KCND3: variants seen among roughly 807,000 people sequenced by gnomAD.
KCND3 encodes potassium voltage-gated channel subfamily D member 3, also known as A-type voltage-gated potassium channel KCND3.
Under a neutral mutation model 51.1 loss-of-function variants are expected in KCND3, and 9 were observed. The observed-to-expected ratio is 0.18, with a 90% confidence interval of 0.11 to 0.31. The LOEUF (loss-of-function observed/expected upper bound fraction) is 0.31. Ranked by LOEUF, KCND3 falls within the 10% of genes least tolerant of loss-of-function variation. The pLI is 1.00. For synonymous variants in KCND3, 349 were observed against 368.0 expected, an observed-to-expected ratio of 0.95 and a Z score of 0.59; for missense variants, 526 against 903.8, an observed-to-expected ratio of 0.58 and a Z score of 5.36.
At chr1:111,812,258 A>G (rs1221172839) in intron 2 of KCND3, among the ~76,000 whole-genome samples, 2 of 152,118 alleles carry the variant, frequency 1.3e-5, no homozygotes, top group Non-Finnish European at 2.9e-5. Context: ...TGGTTTTCAC[A>G]CCCTCAGGGC....
At chr1:111,861,463 G>C (rs961483604) in intron 2 of KCND3, among the ~76,000 whole-genome samples, 25 of 152,182 alleles carry the variant, frequency 1.6e-4, no homozygotes, top group Non-Finnish European at 3.5e-4. Flanking sequence ...AGAATGGCAA[G>C]GTTTTTGAAA....
At chr1:111,929,504 C>T (rs1978970) in intron 2 of KCND3, among the ~76,000 whole-genome samples, 146,792 of 152,334 alleles carry the variant, frequency 0.96, 70,967 homozygotes, top group East Asian at 1. Flanking sequence ...ACAGAAAACC[C>T]GGAGATGCAC....
chr1:111,806,849 A>G (rs1665593611), intron 2 of KCND3, among the ~76,000 whole-genome samples: 1 of 152,170 alleles, frequency 6.6e-6, no homozygotes, highest in Admixed American at 6.5e-5. Flanking sequence ...ACCCAGCTCT[A>G]AGATAGGAAG....
At chr1:111,878,556 T>TGAA (rs2101731658) in intron 2 of KCND3, among the ~76,000 whole-genome samples, 1 of 151,846 alleles carries the variant, frequency 6.6e-6, no homozygotes, top group East Asian at 1.9e-4. Context: ...GGGTAAGGAG[T>TGAA]GAAGAGAGGC....
At chr1:111,971,070 G>A (rs1295488011) in intron 2 of KCND3, among the ~76,000 whole-genome samples, 1 of 152,132 alleles carries the variant, frequency 6.6e-6, no homozygotes, top group African/African-American at 2.4e-5. Context: ...CCAAGAGCTT[G>A]GCACTGCAAG....
intron 2 of KCND3, among the ~76,000 whole-genome samples, chr1:111,854,538 AG>A (rs983010903): frequency 9.9e-5 from 15 of 152,056 alleles, no homozygotes; most frequent in Admixed American, 9.8e-4. Context: ...TGTCCAGTGG[AG>A]GGGTCAGAGG....
chr1:111,865,605 T>G (rs186202064), intron 2 of KCND3, among the ~76,000 whole-genome samples: 9 of 152,372 alleles, frequency 5.9e-5, no homozygotes, highest in South Asian at 4.1e-4. Context: ...GGATCCTTCA[T>G]AGTAGAGATT....
rs181524091 is a variant in KCND3 at position 111,820,021 on chromosome 1, G to A, written c.1107-32915C>T. 2.3e-4 allele frequency among the ~76,000 whole-genome samples: 35 copies of A among 152,300 alleles called. 1 individual carries two copies. The East Asian group carries it at 5.6e-3, about 24-fold the overall frequency. On this transcript the variant is annotated intron_variant, in intron 2 of 7. Coordinates refer to ENST00000302127, the MANE Select transcript of KCND3 (RefSeq NM_001378969.1). ...AATATTCTGAAATGCAGGCTTAATT[G>A]CGTCACTCCTTCCAAAAAACATTCA... is the stretch of plus-strand genomic sequence containing the variant.
intron 2 of KCND3, among the ~76,000 whole-genome samples, chr1:111,810,321 G>A (rs1172767293): frequency 6.6e-6 from 1 of 152,232 alleles, no homozygotes; most frequent in Non-Finnish European, 1.5e-5. Context: ...CTACCTGGAA[G>A]AGGGCAGCTC....
chr1:111,802,410 C>T (rs1665353359), intron 2 of KCND3, among the ~76,000 whole-genome samples: 1 of 152,260 alleles, frequency 6.6e-6, no homozygotes, highest in Admixed American at 6.5e-5. Context: ...AAGACAATGT[C>T]ATGCAAAGAA....
At chr1:111,778,341 T>G in intron 6 of KCND3, 95 bp downstream of exon 6, 3 of 1,141,062 alleles carry the variant, frequency 2.6e-6, no homozygotes, top group Non-Finnish European at 4.0e-6. Flanking sequence ...CAGCAGCACA[T>G]GCACAGAACC....
chr1:111,782,334 A>T (rs1664423255), intron 3 of KCND3, among the ~76,000 whole-genome samples: 1 of 152,154 alleles, frequency 6.6e-6, no homozygotes, highest in South Asian at 2.1e-4. Context: ...AGGGGCCAGG[A>T]CTTGAGCCTG....
intron 2 of KCND3, among the ~76,000 whole-genome samples, chr1:111,908,413 C>A (rs1670754322): frequency 6.6e-6 from 1 of 152,212 alleles, no homozygotes; most frequent in Non-Finnish European, 1.5e-5. Context: ...CAGACTGAGG[C>A]AAATAAATGT....
chr1:111,931,485 T>G (rs895842558), intron 2 of KCND3, among the ~76,000 whole-genome samples: 1 of 152,138 alleles, frequency 6.6e-6, no homozygotes, highest in Non-Finnish European at 1.5e-5. Flanking sequence ...GGAGAGCCCA[T>G]AGCTTTCCTA....
At chr1:111,927,101 T>C (rs566714190) in intron 2 of KCND3, among the ~76,000 whole-genome samples, 1 of 152,302 alleles carries the variant, frequency 6.6e-6, no homozygotes, top group African/African-American at 2.4e-5. Flanking sequence ...TATCTCCCCA[T>C]TTGCTAGCTA....
At chr1:111,974,566 T>C (rs1313932642) in intron 2 of KCND3, among the ~76,000 whole-genome samples, 1 of 152,066 alleles carries the variant, frequency 6.6e-6, no homozygotes, top group Non-Finnish European at 1.5e-5. Context: ...CCAGCTACAA[T>C]GGAGCATGGA....
chr1:111,802,557 C>T (rs551015127), intron 2 of KCND3, among the ~76,000 whole-genome samples: 1 of 152,298 alleles, frequency 6.6e-6, no homozygotes, highest in South Asian at 2.1e-4. Flanking sequence ...TGTCTCCCTA[C>T]AGGGAATGGT....
intron 2 of KCND3, among the ~76,000 whole-genome samples, chr1:111,809,047 G>A (rs916300815): frequency 1.3e-5 from 2 of 152,206 alleles, no homozygotes; most frequent in Non-Finnish European, 2.9e-5. Context: ...TGAAGTGTAA[G>A]GGAGAAGGAT....
intron 2 of KCND3, among the ~76,000 whole-genome samples, chr1:111,927,369 C>T (rs969311570): frequency 2.0e-5 from 3 of 152,364 alleles, no homozygotes; most frequent in African/African-American, 7.2e-5. Context: ...GAGGAGGGCA[C>T]ATCATTTTCT....
Sources: allele counts gnomAD v4.1 joint callset (sites outside exome capture counted in the v4.1 genomes callset), GRCh38; gene constraint gnomAD v4.1.1; transcripts MANE v1.5; gene names NCBI Gene and HGNC (gene_info 2026-07-23, HGNC 2026-07-21).